ANKRD29: variants seen among roughly 807,000 people sequenced by gnomAD.
The protein encoded by ANKRD29 is ankyrin repeat domain-containing protein 29.
A neutral mutation model predicts 38.0 loss-of-function variants in ANKRD29; 32 were observed. The observed-to-expected ratio is 0.84, with a 90% CI of 0.64 to 1.13. ANKRD29 has a LOEUF of 1.13. Ranked by LOEUF, ANKRD29 falls within the 50% of genes most tolerant of loss-of-function variation. The pLI, the probability that ANKRD29 is intolerant of heterozygous loss-of-function variation, is 0.00. For synonymous variants in ANKRD29, 135 were observed against 152.4 expected (o/e 0.89, Z 0.84); for missense variants, 357 against 377.9 (o/e 0.94, Z 0.46).
intron 2 of ANKRD29, 165 bp downstream of exon 2, chr18:23,648,918 G>A (rs893877410): frequency 5.4e-6 from 3 of 555,698 alleles, no homozygotes; most frequent in Non-Finnish European, 9.2e-6. Flanking sequence ...CCCCCAGCAT[G>A]TTTTTAAGTT....
In ANKRD29 at chr18:23,617,942, A is replaced by T. The variant is rs1568015278; in HGVS notation, c.628-115T>A. On this transcript the variant is annotated intron_variant, in intron 7 of 9. Coordinates refer to ENST00000592179, the MANE Select transcript of ANKRD29 (RefSeq NM_173505.4). ...TCAGAAACTAATGACGTGTAAATTA[A>T]GCACAGATCAGCAATGTCTCTTAAT... 18 of 714,286 alleles carry T rather than the reference A, an allele frequency of 2.5e-5. 1 individual carries two copies. The highest frequency in any genetic ancestry group is 3.8e-5 in the Non-Finnish European group (16 of 418,440). 44.2% of individuals were successfully genotyped at this position (714,286 alleles called of 1,614,324 possible).
At chr18:23,634,392 C>T (rs142704024) in intron 4 of ANKRD29, among the ~76,000 whole-genome samples, 2,685 of 146,722 alleles carry the variant, frequency 0.018, 76 homozygotes, top group African/African-American at 0.065. Context: ...TGGGTTCAAG[C>T]GATTCTCTTG....
At chr18:23,622,253 T>C (rs2059805840) in intron 6 of ANKRD29, among the ~76,000 whole-genome samples, 1 of 152,114 alleles carries the variant, frequency 6.6e-6, no homozygotes, top group African/African-American at 2.4e-5. Context: ...TGGACAGGCA[T>C]GGCTCCTTCA....
intron 1 of ANKRD29, among the ~76,000 whole-genome samples, chr18:23,662,391 A>AG (rs2060375041): frequency 6.6e-6 from 1 of 152,130 alleles, no homozygotes; most frequent in Admixed American, 6.5e-5. Context: ...CGCTGACCCC[A>AG]GGCTTCTTAC....
intron 1 of ANKRD29, among the ~76,000 whole-genome samples, chr18:23,653,209 T>G (rs1018477506): frequency 6.6e-5 from 10 of 152,252 alleles, no homozygotes; most frequent in African/African-American, 2.4e-4. Context: ...TCAGAATGTG[T>G]CCTTGTTGTT....
intron 9 of ANKRD29, among the ~76,000 whole-genome samples, chr18:23,611,371 G>A (rs967901073): frequency 6.6e-6 from 1 of 152,050 alleles, no homozygotes; most frequent in African/African-American, 2.4e-5. Flanking sequence ...CCTCCACCAG[G>A]AGAGTGCACC....
intron 9 of ANKRD29, among the ~76,000 whole-genome samples, chr18:23,608,920 G>A (rs1338740863): frequency 1.3e-5 from 2 of 152,006 alleles, no homozygotes; most frequent in Non-Finnish European, 2.9e-5. Context: ...GTGAAAGTTG[G>A]TGAAACCCTG....
At chr18:23,649,333 A>G (rs2060181555) in intron 1 of ANKRD29, 140 bp from the exon 2 acceptor site, 4 of 733,642 alleles carry the variant, frequency 5.5e-6, no homozygotes, top group Admixed American at 2.2e-5. Flanking sequence ...CCAGCAATAG[A>G]CAACTGTAAT....
rs1248450050 is a variant in ANKRD29, at chr18:23,662,652, G to A, written c.21+58C>T. 4.2e-4 allele frequency: 61 copies of A among 143,840 alleles called. 1 individual carries two copies. Among genetic ancestry groups the A allele is most frequent in the South Asian group, 2.9e-3 (58 of 20,122 alleles). 8.9% of individuals were successfully genotyped at this position (143,840 alleles called of 1,614,324 possible). A position where few individuals can be genotyped will look rare whatever the true frequency, so the allele number is the denominator to read the frequency against. ...ACCCCATCCCACCCCACCCGACCCCGCGGGCCCGGCCGCCCGAGCCCGGCC... is the reference window on the plus strand; with the variant it reads ...ACCCCATCCCACCCCACCCGACCCCACGGGCCCGGCCGCCCGAGCCCGGCC... On this transcript the variant is annotated intron_variant, in intron 1 of 9. Coordinates refer to ENST00000592179, the MANE Select transcript of ANKRD29 (RefSeq NM_173505.4).
chr18:23,638,813 C>T (rs777413368), intron 4 of ANKRD29, 36 bp downstream of exon 4: 1 of 1,542,168 alleles, frequency 6.5e-7, no homozygotes, highest in Non-Finnish European at 8.9e-7. Context: ...TGCTGAAATT[C>T]TTCAACATAA....
intron 3 of ANKRD29, among the ~76,000 whole-genome samples, chr18:23,645,944 G>GT (rs1431441763): frequency 6.6e-6 from 1 of 152,162 alleles, no homozygotes; most frequent in Non-Finnish European, 1.5e-5. Context: ...AAAAAAAAGT[G>GT]TGAGTGTTTA....
At chr18:23,603,985 G>T (rs1227873997) in intron 9 of ANKRD29, among the ~76,000 whole-genome samples, 1 of 151,900 alleles carries the variant, frequency 6.6e-6, no homozygotes, top group Non-Finnish European at 1.5e-5. Context: ...TGGGATTATA[G>T]GTGCACACCA....
chr18:23,639,975 T>C (rs146378484), intron 3 of ANKRD29, among the ~76,000 whole-genome samples: 83 of 152,314 alleles, frequency 5.4e-4, no homozygotes, highest in African/African-American at 2.0e-3. Context: ...AAAAGAGTTA[T>C]AGATGGGTGA....
At chr18:23,632,864 A>G (rs1204170081) in intron 5 of ANKRD29, among the ~76,000 whole-genome samples, 1 of 152,174 alleles carries the variant, frequency 6.6e-6, no homozygotes, top group Non-Finnish European at 1.5e-5. Flanking sequence ...GCTAGCTGCT[A>G]TGAATTTCAA....
At chr18:23,642,785 T>A (rs2060094448) in intron 3 of ANKRD29, among the ~76,000 whole-genome samples, 1 of 152,212 alleles carries the variant, frequency 6.6e-6, no homozygotes, top group Non-Finnish European at 1.5e-5. Context: ...GCATGCACAG[T>A]TAGACTTAAA....
intron 8 of ANKRD29, among the ~76,000 whole-genome samples, chr18:23,614,558 C>G (rs2059686669): frequency 6.6e-6 from 1 of 151,968 alleles, no homozygotes; most frequent in African/African-American, 2.4e-5. Flanking sequence ...GTGGCTCACA[C>G]CTGTAATCCC....
intron 9 of ANKRD29, among the ~76,000 whole-genome samples, chr18:23,608,278 C>A (rs59628076): frequency 0.056 from 8,577 of 152,258 alleles, 553 homozygotes; most frequent in Admixed American, 0.19. Context: ...GGAATCCCAA[C>A]ACCCTTGCCT....
intron 8 of ANKRD29, among the ~76,000 whole-genome samples, chr18:23,613,069 T>TTAA (rs1281447281): frequency 6.6e-6 from 1 of 152,176 alleles, no homozygotes; most frequent in African/African-American, 2.4e-5. Flanking sequence ...ATGGTTGCTT[T>TTAA]TAAGTATGTA....
Position 23,653,470 on chromosome 18 carries a change from C to T in ANKRD29, c.22-4277G>A, listed in dbSNP as rs186829524. Among the ~76,000 whole-genome samples, 5 of 152,286 alleles carry T rather than the reference C, an allele frequency of 3.3e-5. 1 individual carries two copies. The East Asian group carries it at 9.7e-4, about 29-fold the overall frequency. The stretch of plus-strand genomic sequence containing the variant: ...TTCACCATATTGGCCAGGCTGATCT[C>T]GAACTCCTGACCTCGTGATCCGCCC... On this transcript the variant is annotated intron_variant, in intron 1 of 9. Coordinates refer to ENST00000592179, the MANE Select transcript of ANKRD29 (RefSeq NM_173505.4).
Sources: allele counts gnomAD v4.1 joint callset (sites outside exome capture counted in the v4.1 genomes callset), GRCh38; gene constraint gnomAD v4.1.1; transcripts MANE v1.5; gene names NCBI Gene and HGNC (gene_info 2026-07-23, HGNC 2026-07-21).